ANKLE1: variants seen among roughly 807,000 people sequenced by gnomAD.
ANKLE1 encodes structure-specific endonuclease ANKLE1.
In ANKLE1, 59 loss-of-function variants were observed where a neutral mutation model predicts 56.2. That is an observed-to-expected ratio of 1.05 (90% CI 0.85 to 1.30). The LOEUF (loss-of-function observed/expected upper bound fraction) is 1.30. ANKLE1 is among the 50% of genes most tolerant of loss of function. ANKLE1 has a pLI of 0.00. For missense variants in ANKLE1, 771 were observed against 816.1 expected (o/e 0.94, Z 0.67); for synonymous variants, 341 against 352.9 (o/e 0.97, Z 0.38).
Position 17,285,518 on chromosome 19 carries a change from C to T in ANKLE1, c.1464C>T (p.Gly488=). The part of the protein sequence containing the change: ...QTFIRAIFYV[G]KGTRARPYVH... Reference sequence around the variant, plus strand: ...TCATCCGTGCCATCTTCTACGTGGGCAAAGGGACGAGGGCCCGGCCATATG... The same window carrying T: ...TCATCCGTGCCATCTTCTACGTGGGTAAAGGGACGAGGGCCCGGCCATATG... The change falls in exon 7 of 9, where the codon GGC becomes GGT. Residue 488 remains glycine (G), a synonymous_variant. Transcript: ENST00000404085. 2 of 1,613,890 alleles carry T rather than the reference C, an allele frequency of 1.2e-6. No individual in the cohort carries two copies. Among genetic ancestry groups the T allele is most frequent in the South Asian group, 2.2e-5 (2 of 91,088 alleles).
rs60712004 is a variant in ANKLE1 at position 17,286,675 on chromosome 19, TG to T, written c.*124del. ...GTGTGTGTGTGTGTGTGTGTGTGTG[TG>T]TGTGTGTGTGTGTGTTTGTGTGTGT... On this transcript the variant is annotated 3_prime_UTR_variant, in exon 9 of 9. Transcript: ENST00000404085. The T allele has an allele frequency of 5.4e-6, 6 of 1,119,546 alleles. No individual in the cohort carries two copies. Among genetic ancestry groups the T allele is most frequent in the Non-Finnish European group, 6.1e-6 (5 of 813,118 alleles). 69.4% of individuals were successfully genotyped at this position (1,119,546 alleles called of 1,614,324 possible). A position where few individuals can be genotyped will look rare whatever the true frequency, so the allele number is the denominator to read the frequency against.
In ANKLE1 at chr19:17,282,751, T is replaced by C; in HGVS notation, c.311T>C (p.Leu104Pro). Residue 104 changes from leucine to proline, a missense_variant, in exon 3 of 9, where the codon CTG becomes CCG. Leu to Pro is a moderately conservative substitution (Grantham distance 98, BLOSUM62 -3). Coordinates refer to ENST00000404085, the MANE Select transcript of ANKLE1 (RefSeq NM_152363.6). ...CTGAGCCAAGGAGCGGACCCGGCGCTGCGCGACCAGGTTGGGAGGCACTGC... is the reference window on the plus strand; with the variant it reads ...CTGAGCCAAGGAGCGGACCCGGCGCCGCGCGACCAGGTTGGGAGGCACTGC... The part of the protein sequence containing the change: ...LLLSQGADPA[L>P]RDQDGLRPLD... 1 of 1,546,216 alleles carries C rather than the reference T, an allele frequency of 6.5e-7. No homozygotes were observed. Among genetic ancestry groups the C allele is most frequent in the East Asian group, 2.4e-5 (1 of 41,664 alleles).
At chr19:17,284,684 C>CCTTT (rs2074013066) in intron 6 of ANKLE1, among the ~76,000 whole-genome samples, 1 of 91,940 alleles carries the variant, frequency 1.1e-5, no homozygotes. Flanking sequence ...GCACCGGCCT[C>CCTTT]TTTTTTTTTT....
chr19:17,284,936 G>T (rs956576388), intron 6 of ANKLE1, among the ~76,000 whole-genome samples: 1 of 151,780 alleles, frequency 6.6e-6, no homozygotes, highest in Non-Finnish European at 1.5e-5. Flanking sequence ...TGATCCTCCT[G>T]CCTTGGCCTC....
Position 17,285,511 on chromosome 19 carries a change from A to G in ANKLE1, c.1457A>G (p.Tyr486Cys). ...CAGACTTTCATCCGTGCCATCTTCT[A>G]CGTGGGCAAAGGGACGAGGGCCCGG... The part of the protein sequence containing the change: ...RLQTFIRAIF[Y>C]VGKGTRARPY... Residue 486 changes from tyrosine to cysteine, a missense_variant, in exon 7 of 9, where the codon TAC (tyrosine) becomes TGC (cysteine). By Grantham distance (194) the Tyr-to-Cys change is radical. Coordinates refer to ENST00000404085, the MANE Select transcript of ANKLE1 (RefSeq NM_152363.6). The G allele has an allele frequency of 6.2e-7, 1 of 1,613,918 alleles. No homozygotes were observed. Among genetic ancestry groups the G allele is most frequent in the Non-Finnish European group, 8.5e-7 (1 of 1,179,890 alleles).
intron 6 of ANKLE1, 29 bp from the exon 7 acceptor site, chr19:17,285,402 T>C: frequency 1.9e-6 from 3 of 1,612,528 alleles, no homozygotes; most frequent in Non-Finnish European, 2.5e-6. Flanking sequence ...TATCCACTTT[T>C]CCCTGTCTGA....
In ANKLE1 at chr19:17,285,472, C is replaced by T. The variant is rs1448484818; in HGVS notation, c.1418C>T (p.Pro473Leu). ...DLPARAFSLTPAERLQTFIRA... is the reference protein window; with the variant it reads ...DLPARAFSLTLAERLQTFIRA... Reference sequence around the variant, plus strand: ...CCAGCCCGAGCCTTCTCACTGACCCCAGCTGAGCGCCTTCAGACTTTCATC... The same window carrying T: ...CCAGCCCGAGCCTTCTCACTGACCCTAGCTGAGCGCCTTCAGACTTTCATC... The change falls in exon 7 of 9, where the codon CCA (proline) becomes CTA (leucine). Residue 473 changes from proline to leucine, a missense_variant. Pro to Leu is a moderately conservative substitution (Grantham distance 98). Coordinates refer to ENST00000404085, the MANE Select transcript of ANKLE1 (RefSeq NM_152363.6). 6.2e-7 allele frequency: 1 copy of T among 1,613,916 alleles called. No individual in the cohort carries two copies. Among genetic ancestry groups the T allele is most frequent in the Admixed American group, 1.7e-5 (1 of 60,008 alleles).
chr19:17,286,250 T>A, intron 8 of ANKLE1, 130 bp from the exon 9 acceptor site: 1 of 1,262,210 alleles, frequency 7.9e-7, no homozygotes. Context: ...CCTGGCTTCA[T>A]GTGATCTACC....
intron 6 of ANKLE1, 84 bp downstream of exon 6, chr19:17,284,350 G>A (rs1045174555): frequency 7.4e-7 from 1 of 1,358,400 alleles, no homozygotes; most frequent in Non-Finnish European, 1.0e-6. Context: ...TTAAGAAAGG[G>A]ACTGGCCCTA....
chr19:17,285,368 A>AG (rs2074019498), intron 6 of ANKLE1, 63 bp from the exon 7 acceptor site: 3 of 1,596,186 alleles, frequency 1.9e-6, no homozygotes, highest in Non-Finnish European at 2.6e-6. Context: ...TTGTGACTTT[A>AG]AGGACTGCCT....
intron 6 of ANKLE1, 52 bp from the exon 7 acceptor site, chr19:17,285,379 C>A: frequency 1.9e-6 from 3 of 1,607,526 alleles, no homozygotes; most frequent in Non-Finnish European, 2.5e-6. Flanking sequence ...AGGACTGCCT[C>A]TGGGGACCAC....
At chr19:17,284,012 C>T (rs200745328) in intron 5 of ANKLE1, 50 bp downstream of exon 5, 149 of 1,594,020 alleles carry the variant, frequency 9.3e-5, no homozygotes, top group East Asian at 1.8e-4. Flanking sequence ...AGGAATCTCC[C>T]GGAGAACCCC....
At position 17,282,872 on chromosome 19, in the gene ANKLE1, C is replaced by T. The variant is rs767785596; in HGVS notation, c.330C>T (p.Leu110=). The T allele has an allele frequency of 1.5e-5, 24 of 1,584,856 alleles. No individual in the cohort carries two copies. The highest frequency in any genetic ancestry group is 1.9e-5 in the Non-Finnish European group (22 of 1,171,804). Residue 110 remains leucine (L), a synonymous_variant, in exon 4 of 9, where the codon CTC becomes CTT. Coordinates refer to ENST00000404085, the MANE Select transcript of ANKLE1 (RefSeq NM_152363.6). ...ADPALRDQDG[L]RPLDLALQQG... Reference sequence around the variant, plus strand: ...TGACCGCGCCCCTGTAGGACGGACTCCGGCCGCTGGACCTGGCCCTGCAGC... The same window carrying T: ...TGACCGCGCCCCTGTAGGACGGACTTCGGCCGCTGGACCTGGCCCTGCAGC...
rs758624502 is a variant in ANKLE1 at position 17,282,692 on chromosome 19, C to T, written c.252C>T (p.Ala84=). ...CACTGACGCCGCTGCATGTGGCCGC[C>T]GCGTGGGGCTGCCGCCGCGGCCTGG... ...VEALTPLHVA[A]AWGCRRGLEL... Residue 84 remains alanine, a synonymous_variant, in exon 3 of 9, where the codon GCC becomes GCT. Coordinates refer to ENST00000404085, the MANE Select transcript of ANKLE1 (RefSeq NM_152363.6). 3.9e-6 allele frequency: 6 copies of T among 1,535,584 alleles called. No homozygotes were observed. Among genetic ancestry groups the T allele is most frequent in the South Asian group, 3.6e-5 (3 of 84,010 alleles).
rs199646879 is a variant in ANKLE1, at chr19:17,285,512, C to A, written c.1458C>A (p.Tyr486Ter). 1.9e-6 allele frequency: 3 copies of A among 1,613,808 alleles called. No individual in the cohort carries two copies. Among genetic ancestry groups the A allele is most frequent in the Admixed American group, 3.3e-5 (2 of 59,992 alleles). The change falls in exon 7 of 9, where the codon TAC becomes TAA. Residue 486 changes from tyrosine to a stop codon, truncating the protein, a stop_gained. Coordinates refer to ENST00000404085, the MANE Select transcript of ANKLE1 (RefSeq NM_152363.6). LOFTEE classifies it high-confidence loss of function. Reference sequence around the variant, plus strand: ...AGACTTTCATCCGTGCCATCTTCTACGTGGGCAAAGGGACGAGGGCCCGGC... The same window carrying A: ...AGACTTTCATCCGTGCCATCTTCTAAGTGGGCAAAGGGACGAGGGCCCGGC... ...RLQTFIRAIF[Y>*]VGKGTRARPY...
Position 17,286,570 on chromosome 19 carries a change from A to C in ANKLE1, c.*18A>C, listed in dbSNP as rs760923972. The C allele has an allele frequency of 6.3e-7, 1 of 1,591,148 alleles. No homozygotes were observed. The highest frequency in any genetic ancestry group is 1.1e-5 in the South Asian group (1 of 87,886). On this transcript the variant is annotated 3_prime_UTR_variant, in exon 9 of 9. Transcript: ENST00000404085. ...GGGGCTGAGTGCTGGGGAGTTGGCC[A>C]TCCAGCCTGGGGAGAAATGTTTGAA...
In ANKLE1 at chr19:17,285,607, CAG is replaced by C; in HGVS notation, c.1536+18_1536+19del. 1 of 1,613,900 alleles carries C rather than the reference CAG, an allele frequency of 6.2e-7. No individual in the cohort carries two copies. The highest frequency in any genetic ancestry group is 8.5e-7 in the Non-Finnish European group (1 of 1,179,862). ...AGAAAACAGGTGTGAGGACAGGGAT[CAG>C]GGTTCAGCGAGGGCAGTCGGGCCAT... On this transcript the variant is annotated intron_variant, in intron 7 of 8. Transcript: ENST00000404085.
In ANKLE1 at chr19:17,283,327, C is replaced by T. The variant is rs375590290; in HGVS notation, c.563C>T (p.Pro188Leu). 1.2e-6 allele frequency: 2 copies of T among 1,613,336 alleles called. No homozygotes were observed. Among genetic ancestry groups the T allele is most frequent in the African/African-American group, 2.7e-5 (2 of 74,926 alleles). The change falls in exon 5 of 9, where the codon CCA (proline) becomes CTA (leucine). Residue 188 changes from proline (P) to leucine (L), a missense_variant. By Grantham distance (98) the Pro-to-Leu change is moderately conservative (BLOSUM62 -3). Transcript: ENST00000404085. ...AGGGACATTGGCTTGGAGGCTGACC[C>T]AGGACCCCCCAGCCTCCCTGTTCCC... Reference protein sequence around the residue: ...DNRDIGLEADPGPPSLPVPLE... With the variant: ...DNRDIGLEADLGPPSLPVPLE...
In ANKLE1 at chr19:17,282,215, A is replaced by G. The variant is rs1192706650; in HGVS notation, c.215+6A>G. 3 of 1,487,036 alleles carry G rather than the reference A, an allele frequency of 2.0e-6. No homozygotes were observed. The Admixed American group carries it at 6.8e-5, about 34-fold the overall frequency. The allele number at this position is 1,487,036 out of a possible 1,614,324, so 92.1% of individuals were successfully genotyped here. On this transcript the variant is annotated splice_donor_region_variant and intron_variant, in intron 2 of 8. Transcript: ENST00000404085. ...GGCGGGGACCCCAACGCTCGGTAAG[A>G]TAGAGCCTGGGTCCGGGGCGGGGTC...
Sources: allele counts gnomAD v4.1 joint callset (sites outside exome capture counted in the v4.1 genomes callset), GRCh38; gene constraint gnomAD v4.1.1; transcripts MANE v1.5; gene names NCBI Gene and HGNC (gene_info 2026-07-23, HGNC 2026-07-21).